SDAD1: variants seen among roughly 807,000 people sequenced by gnomAD.
SDAD1 encodes the protein protein SDA1 homolog.
Under a neutral mutation model 100.3 loss-of-function variants are expected in SDAD1, and 79 were observed. That is an observed-to-expected ratio of 0.79 (90% CI 0.66 to 0.95). The LOEUF (loss-of-function observed/expected upper bound fraction) is 0.95. SDAD1 is among the 40% of genes least tolerant of loss of function. The probability of loss-of-function intolerance (pLI) is 0.00; values close to 1 mark genes in which losing one functional copy is unlikely to be tolerated. For missense variants in SDAD1, 790 were observed against 810.9 expected (o/e 0.97, Z 0.31); for synonymous variants, 267 against 271.4 (o/e 0.98, Z 0.16).
intron 21 of SDAD1, among the ~76,000 whole-genome samples, chr4:75,954,550 G>A (rs543452579): frequency 2.5e-4 from 38 of 152,246 alleles, no homozygotes; most frequent in South Asian, 1.0e-3. Context: ...GCAGACGCCT[G>A]TAGTCCCAGC....
chr4:75,980,313 A>G (rs1259939393), intron 3 of SDAD1, among the ~76,000 whole-genome samples: 1 of 152,204 alleles, frequency 6.6e-6, no homozygotes, highest in African/African-American at 2.4e-5. Flanking sequence ...TAATCAAATT[A>G]CTAAAATCCT....
intron 1 of SDAD1, among the ~76,000 whole-genome samples, chr4:75,989,744 G>T (rs1019857342): frequency 2.6e-5 from 4 of 152,190 alleles, no homozygotes; most frequent in African/African-American, 9.7e-5. Context: ...TTAACTTCTT[G>T]TACTTGTTTC....
rs768118509 is a variant in SDAD1 at position 75,964,211 on chromosome 4, T to C, written c.1105A>G (p.Ile369Val). The change falls in exon 14 of 22, where the codon ATT becomes GTT. Residue 369 changes from isoleucine to valine, a missense_variant and splice_region_variant. Ile to Val is a conservative substitution (Grantham distance 29). Transcript: ENST00000356260. The part of the protein sequence containing the change: ...QASHHLVPPE[I>V]IQSLLMTVAN... ...ACAGTCATAAGCAATGATTGAATAA[T>C]CTGAATTGGAAACAAAAAAGAGATG... The C allele has an allele frequency of 2.2e-5, 36 of 1,602,698 alleles. No individual in the cohort carries two copies. The East Asian group carries it at 7.9e-4, about 35-fold the overall frequency.
At chr4:75,968,516 T>C (rs1729679962) in intron 11 of SDAD1, among the ~76,000 whole-genome samples, 1 of 152,182 alleles carries the variant, frequency 6.6e-6, no homozygotes, top group Non-Finnish European at 1.5e-5. Context: ...TACAATGGCA[T>C]CTAGTCTAAC....
intron 1 of SDAD1, among the ~76,000 whole-genome samples, chr4:75,987,809 G>A (rs891431072): frequency 6.6e-6 from 1 of 152,078 alleles, no homozygotes; most frequent in Non-Finnish European, 1.5e-5. Context: ...ACCCCATGTT[G>A]CTAAATTTAA....
chr4:75,974,455 C>G (rs1730044118), intron 6 of SDAD1, among the ~76,000 whole-genome samples: 1 of 151,028 alleles, frequency 6.6e-6, no homozygotes, highest in Admixed American at 6.6e-5. Context: ...GTGGCTCATT[C>G]CTGTAATCCC....
At chr4:75,973,983 A>C (rs1179919740) in intron 7 of SDAD1, 93 bp downstream of exon 7, 1 of 1,027,242 alleles carries the variant, frequency 9.7e-7, no homozygotes, top group Admixed American at 1.8e-5. Context: ...GTGTGCAGGC[A>C]TGCAGTTTAT....
chr4:75,987,055 T>C (rs1730943157), intron 1 of SDAD1, among the ~76,000 whole-genome samples: 1 of 152,226 alleles, frequency 6.6e-6, no homozygotes, highest in Non-Finnish European at 1.5e-5. Flanking sequence ...CTTTACTCTG[T>C]ACCTTCTACT....
chr4:75,961,134 C>A, intron 15 of SDAD1, 30 bp from the exon 16 acceptor site: 1 of 1,611,222 alleles, frequency 6.2e-7, no homozygotes. Flanking sequence ...ATTAGAAATT[C>A]TGGCCCATAG....
chr4:75,982,153 A>G, intron 1 of SDAD1, 116 bp from the exon 2 acceptor site: 1 of 621,668 alleles, frequency 1.6e-6, no homozygotes, highest in Middle Eastern at 2.6e-4. Flanking sequence ...AGAAAAAGAT[A>G]ATGCAAAAGT....
At chr4:75,960,785 A>C (rs1019089534) in intron 16 of SDAD1, among the ~76,000 whole-genome samples, 1 of 152,222 alleles carries the variant, frequency 6.6e-6, no homozygotes, top group Non-Finnish European at 1.5e-5. Context: ...ATAACATTAA[A>C]AGCTTTCAAG....
At chr4:75,964,326 G>T in intron 13 of SDAD1, 115 bp from the exon 14 acceptor site, 1 of 712,816 alleles carries the variant, frequency 1.4e-6, no homozygotes, top group Non-Finnish European at 2.4e-6. Flanking sequence ...TCCACCTTCA[G>T]TTTAGGAATT....
At chr4:75,959,097 C>CAAAAAAAAAAAAAAAAAAAAAAA (rs61245198) in intron 17 of SDAD1, among the ~76,000 whole-genome samples, 1 of 54,984 alleles carries the variant, frequency 1.8e-5, no homozygotes, top group East Asian at 5.5e-4. Flanking sequence ...GACTCTGTCT[C>CAAAAAAAAAAAAAAAAAAAAAAA]AAAAAAAAAA....
intron 4 of SDAD1, among the ~76,000 whole-genome samples, chr4:75,976,315 T>C (rs1226069514): frequency 1.3e-5 from 2 of 152,206 alleles, no homozygotes; most frequent in Admixed American, 6.5e-5. Context: ...GGAAATAACT[T>C]AAATTTCCAC....
intron 7 of SDAD1, 29 bp downstream of exon 7, chr4:75,974,047 A>C: frequency 6.3e-7 from 1 of 1,596,466 alleles, no homozygotes; most frequent in Non-Finnish European, 8.6e-7. Flanking sequence ...CCACAGACAG[A>C]GCTTACACAC....
At chr4:75,952,260 G>A (rs755912241) in intron 21 of SDAD1, among the ~76,000 whole-genome samples, 19 of 152,146 alleles carry the variant, frequency 1.2e-4, no homozygotes, top group Admixed American at 2.6e-4. Flanking sequence ...GGAAAGCCCT[G>A]GAATAGTGAA....
Position 75,957,712 on chromosome 4 carries a change from G to A in SDAD1, c.1579-4C>T, listed in dbSNP as rs1324225005. ...GCATGCTGTTCAGCTTCTTGGACTT[G>A]AAACCACACAAGGGCTTAAATGGCT... On this transcript the variant is annotated splice_polypyrimidine_tract_variant and splice_region_variant and intron_variant, in intron 18 of 21. Transcript: ENST00000356260. The A allele has an allele frequency of 6.2e-7, 1 of 1,614,128 alleles. No homozygotes were observed. Among genetic ancestry groups the A allele is most frequent in the Non-Finnish European group, 8.5e-7 (1 of 1,179,986 alleles).
chr4:75,987,171 T>C (rs1469047059), intron 1 of SDAD1, among the ~76,000 whole-genome samples: 3 of 152,214 alleles, frequency 2.0e-5, no homozygotes, highest in African/African-American at 7.2e-5. Context: ...TCATATACCA[T>C]AAAATTTACC....
chr4:75,975,066 T>A lies in SDAD1; in HGVS notation c.578+678A>T, dbSNP rs1017306060. ...AAAAAATTAATAAATAAATAAAAAT[T>A]AAAAAAAATAAAAACTGTAATACAG... On this transcript the variant is annotated intron_variant, in intron 6 of 21. Coordinates refer to ENST00000356260, the MANE Select transcript of SDAD1 (RefSeq NM_018115.4). 6.0e-5 allele frequency among the ~76,000 whole-genome samples: 9 copies of A among 150,858 alleles called. 1 individual carries two copies. In the South Asian group the frequency reaches 1.7e-3, roughly 28 times the overall value.
Sources: gnomAD v4.1 joint callset for allele counts (sites outside exome capture counted in the v4.1 genomes callset) on GRCh38, gnomAD v4.1.1 for gene constraint, MANE v1.5 for transcripts, NCBI Gene and HGNC (gene_info 2026-07-23, HGNC 2026-07-21) for gene names.